Variants in GALNT18 observed in about 807,000 individuals in gnomAD.
The protein encoded by GALNT18 is polypeptide N-acetylgalactosaminyltransferase 18.
GALNT18 carries 44 observed loss-of-function variants against 69.5 expected under a neutral mutation model. That is an observed-to-expected ratio of 0.63 (90% CI 0.50 to 0.81). The LOEUF is 0.81. Ranked by LOEUF, GALNT18 falls within the 40% of genes least tolerant of loss-of-function variation. GALNT18 has a pLI of 0.00. For synonymous variants in GALNT18, 364 were observed against 318.2 expected (o/e 1.14, Z -1.53); for missense variants, 715 against 810.0 (o/e 0.88, Z 1.42).
At chr11:11,354,768 T>C (rs1425109321) in intron 6 of GALNT18, among the ~76,000 whole-genome samples, 1 of 152,150 alleles carries the variant, frequency 6.6e-6, no homozygotes, top group African/African-American at 2.4e-5. Flanking sequence ...CGTCTCACCT[T>C]CACTCTCATG....
rs996264826 is a variant in GALNT18 at position 11,541,447 on chromosome 11, C to T, written c.235+79912G>A. 6.6e-6 allele frequency among the ~76,000 whole-genome samples: 1 copy of T among 152,192 alleles called. No individual in the cohort carries two copies. Among genetic ancestry groups the T allele is most frequent in the African/African-American group, 2.4e-5 (1 of 41,448 alleles). ...CTGCCTTCAGCCTCATTCCTCCCATCCACCTTCCACCTGTAGTTGGGGTGA... is the reference window on the plus strand; with the variant it reads ...CTGCCTTCAGCCTCATTCCTCCCATTCACCTTCCACCTGTAGTTGGGGTGA... On this transcript the variant is annotated intron_variant, in intron 1 of 10. Coordinates refer to ENST00000227756, the MANE Select transcript of GALNT18 (RefSeq NM_198516.3). The surrounding 1 kb of genome is among the most constrained non-coding windows in gnomAD (Gnocchi z 4.8).
intron 3 of GALNT18, among the ~76,000 whole-genome samples, chr11:11,419,561 C>T (rs1461625158): frequency 8.0e-4 from 102 of 127,896 alleles, no homozygotes; most frequent in African/African-American, 3.1e-3. Flanking sequence ...CATGCCACTG[C>T]ACTCTAGCCT....
intron 8 of GALNT18, among the ~76,000 whole-genome samples, chr11:11,328,521 C>G (rs112202195): frequency 6.6e-6 from 1 of 152,174 alleles, no homozygotes; most frequent in African/African-American, 2.4e-5. Flanking sequence ...CAGAGGCCCA[C>G]GTGTGCTCCA....
At chr11:11,615,949 T>A (rs865980839) in intron 1 of GALNT18, among the ~76,000 whole-genome samples, 6 of 152,214 alleles carry the variant, frequency 3.9e-5, no homozygotes, top group African/African-American at 1.4e-4. Flanking sequence ...ATCAAAAAAA[T>A]TTGTAAAATA....
At chr11:11,488,438 G>T (rs775132562) in intron 1 of GALNT18, among the ~76,000 whole-genome samples, 1 of 151,912 alleles carries the variant, frequency 6.6e-6, no homozygotes, top group Non-Finnish European at 1.5e-5. Context: ...TCTTGTGGAC[G>T]ATCCAGGATA....
At chr11:11,334,907 G>C (rs796446924) in intron 7 of GALNT18, among the ~76,000 whole-genome samples, 3 of 152,302 alleles carry the variant, frequency 2.0e-5, no homozygotes, top group African/African-American at 7.2e-5. Flanking sequence ...CACAGGAACT[G>C]GCAGTAGATG....
At chr11:11,557,994 T>C (rs1422168911) in intron 1 of GALNT18, among the ~76,000 whole-genome samples, 2 of 152,200 alleles carry the variant, frequency 1.3e-5, no homozygotes, top group African/African-American at 4.8e-5. Context: ...TGGAACTGTA[T>C]GATGGAAACT....
intron 1 of GALNT18, among the ~76,000 whole-genome samples, chr11:11,501,420 A>G (rs1856969791): frequency 6.6e-6 from 1 of 152,214 alleles, no homozygotes; most frequent in South Asian, 2.1e-4. Flanking sequence ...TAAAGTGGTC[A>G]AAGTTAATAT....
chr11:11,414,324 T>C (rs1854802085), intron 3 of GALNT18, among the ~76,000 whole-genome samples: 1 of 152,212 alleles, frequency 6.6e-6, no homozygotes. Flanking sequence ...GAAAGTAATA[T>C]TCTAAAAAGT....
intron 1 of GALNT18, among the ~76,000 whole-genome samples, chr11:11,449,347 A>AT (rs774149778): frequency 5.1e-4 from 77 of 152,132 alleles, no homozygotes; most frequent in Admixed American, 2.1e-3. Context: ...CCCACCCCAC[A>AT]TTGAGGCACC....
At chr11:11,566,042 T>C (rs1012021807) in intron 1 of GALNT18, among the ~76,000 whole-genome samples, 6 of 152,186 alleles carry the variant, frequency 3.9e-5, no homozygotes, top group African/African-American at 1.4e-4. Flanking sequence ...ATGCAGAACA[T>C]AGGAAACCTG....
At chr11:11,502,496 A>G (rs1856995539) in intron 1 of GALNT18, among the ~76,000 whole-genome samples, 1 of 152,360 alleles carries the variant, frequency 6.6e-6, no homozygotes, top group Non-Finnish European at 1.5e-5. Context: ...CAGGAAGCAA[A>G]CAGAGAAGGA....
chr11:11,489,073 C>G (rs1247389003), intron 1 of GALNT18, among the ~76,000 whole-genome samples: 2 of 152,198 alleles, frequency 1.3e-5, no homozygotes, highest in Non-Finnish European at 2.9e-5. Context: ...AAGTGTGCCC[C>G]AAACATGGAA....
At chr11:11,417,118 G>A (rs776669258) in intron 3 of GALNT18, among the ~76,000 whole-genome samples, 4 of 152,212 alleles carry the variant, frequency 2.6e-5, no homozygotes, top group Admixed American at 2.0e-4. Flanking sequence ...ACCCAGGATG[G>A]CATCTGAGTC....
At chr11:11,307,099 C>T (rs1395393020) in intron 9 of GALNT18, among the ~76,000 whole-genome samples, 1 of 152,194 alleles carries the variant, frequency 6.6e-6, no homozygotes, top group East Asian at 1.9e-4. Context: ...ACCACAGATG[C>T]CTGAGTCAGC....
chr11:11,359,902 C>A (rs934847185), intron 6 of GALNT18, among the ~76,000 whole-genome samples: 6 of 152,102 alleles, frequency 3.9e-5, no homozygotes, highest in Admixed American at 2.0e-4. Context: ...TAATTTCCTC[C>A]AGGTTTCTAA....
chr11:11,387,385 G>C lies in GALNT18; in HGVS notation c.596-8121C>G, dbSNP rs909817263. 2.6e-5 allele frequency among the ~76,000 whole-genome samples: 4 copies of C among 152,046 alleles called. No homozygotes were observed. Among genetic ancestry groups the C allele is most frequent in the Non-Finnish European group, 5.9e-5 (4 of 68,012 alleles). ...AATGCTGCTCCTCAAAGCCCGGCCT[G>C]GATTATACCTTTGCCACCCCATCCC... On this transcript the variant is annotated intron_variant, in intron 3 of 10. Transcript: ENST00000227756. This position sits in a 1 kb window ranked among gnomAD's most constrained non-coding sequence, Gnocchi z 4.6.
intron 1 of GALNT18, among the ~76,000 whole-genome samples, chr11:11,585,724 G>A (rs4910389): frequency 0.13 from 19,170 of 151,558 alleles, 1,289 homozygotes; most frequent in Admixed American, 0.17. Flanking sequence ...GTAAATGTGA[G>A]ACTCCATTTT....
At chr11:11,475,461 C>G (rs1277173550) in intron 1 of GALNT18, 1 of 152,192 alleles carries the variant, frequency 6.6e-6, no homozygotes, top group Non-Finnish European at 1.5e-5. Flanking sequence ...AGCATGGCTC[C>G]TGACATCCTA....
Sources: gnomAD v4.1 joint callset for allele counts (sites outside exome capture counted in the v4.1 genomes callset) on GRCh38, gnomAD v4.1.1 for gene constraint, Gnocchi (gnomAD v3.1) non-coding constraint, MANE v1.5 for transcripts, NCBI Gene and HGNC (gene_info 2026-07-23, HGNC 2026-07-21) for gene names.